Variants in KDM2A observed in about 807,000 individuals in gnomAD.
The protein encoded by KDM2A is lysine-specific demethylase 2A.
In KDM2A, 3 loss-of-function variants were observed where a neutral mutation model predicts 137.3. The ratio of observed to expected loss-of-function variants is 0.02; its 90% CI spans 0.01 to 0.06. The LOEUF is 0.06. Among genes scored for constraint, KDM2A ranks in the 10% least tolerant of loss-of-function variants. The pLI, the probability that KDM2A is intolerant of heterozygous loss-of-function variation, is 1.00. For missense variants in KDM2A, 738 were observed against 1,510.6 expected (o/e 0.49, Z 8.48); for synonymous variants, 512 against 541.5 (o/e 0.95, Z 0.76).
intron 11 of KDM2A, among the ~76,000 whole-genome samples, chr11:67,230,073 G>A (rs1236046040): frequency 2.0e-5 from 3 of 152,068 alleles, no homozygotes; most frequent in African/African-American, 7.2e-5. Flanking sequence ...CTATTTGGGA[G>A]GCTGAGGCAG....
At chr11:67,240,029 C>T (rs1590818591) in intron 12 of KDM2A, 5 of 1,300,412 alleles carry the variant, frequency 3.8e-6, no homozygotes, top group East Asian at 5.8e-5. Context: ...CGCTCGGCTC[C>T]CCCTCCTGCC....
intron 5 of KDM2A, among the ~76,000 whole-genome samples, chr11:67,205,471 C>G (rs772296448): frequency 6.6e-6 from 1 of 151,998 alleles, no homozygotes; most frequent in Non-Finnish European, 1.5e-5. Flanking sequence ...GTTCGTCTTA[C>G]AAGGAAGACA....
In KDM2A at chr11:67,119,636, G is replaced by A; in HGVS notation, c.-497G>A. On this transcript the variant is annotated 5_prime_UTR_variant, in exon 1 of 21. Coordinates refer to ENST00000529006, the MANE Select transcript of KDM2A (RefSeq NM_012308.3). ...GGCCCGCGTTCCGGGGGGCCGGGGC[G>A]GCGCGGGGAGCCTCGGGCCGGCCGG... 1 of 149,046 alleles carries A rather than the reference G, an allele frequency of 6.7e-6. No homozygotes were observed. Among genetic ancestry groups the A allele is most frequent in the Non-Finnish European group, 1.5e-5 (1 of 66,790 alleles). The allele number at this position is 149,046 out of a possible 1,614,324, so 9.2% of individuals were successfully genotyped here. A position where few individuals can be genotyped will look rare whatever the true frequency, so the allele number is the denominator to read the frequency against.
intron 2 of KDM2A, among the ~76,000 whole-genome samples, chr11:67,152,989 CTT>C (rs35601441): frequency 7.4e-6 from 1 of 135,638 alleles, no homozygotes; most frequent in Admixed American, 7.6e-5. Context: ...CATGGTATGT[CTT>C]TTTTTTTTTG....
rs201337168 is a variant in KDM2A, at chr11:67,250,169, G to A, written c.2139G>A (p.Thr713=). ...RPLRSCDEPL[T]PPPHSPTSML... is the part of the protein sequence containing the mutation. Reference sequence around the variant, plus strand: ...TGCGGAGCTGCGATGAGCCTCTCACGCCCCCGCCTCATTCACCCACTTCCA... The same window carrying A: ...TGCGGAGCTGCGATGAGCCTCTCACACCCCCGCCTCATTCACCCACTTCCA... The change falls in exon 17 of 21, where the codon ACG becomes ACA. Residue 713 remains threonine (T), a synonymous_variant. Coordinates refer to ENST00000529006, the MANE Select transcript of KDM2A (RefSeq NM_012308.3). The surrounding 1 kb of genome is among the most constrained non-coding windows in gnomAD (Gnocchi z 7.1). 5.6e-5 allele frequency: 90 copies of A among 1,613,600 alleles called. No individual in the cohort carries two copies. The African/African-American group carries it at 8.8e-4, about 16-fold the overall frequency.
intron 2 of KDM2A, among the ~76,000 whole-genome samples, chr11:67,139,358 C>G (rs1856043219): frequency 6.6e-6 from 1 of 152,110 alleles, no homozygotes; most frequent in Non-Finnish European, 1.5e-5. Flanking sequence ...GATTCTCCTG[C>G]CTGAGCCTCC....
intron 2 of KDM2A, among the ~76,000 whole-genome samples, chr11:67,146,744 A>G (rs1856257083): frequency 6.6e-6 from 1 of 152,044 alleles, no homozygotes; most frequent in Non-Finnish European, 1.5e-5. Context: ...TTCTGACCTC[A>G]GGTGATCTGC....
At position 67,168,664 on chromosome 11, in the gene KDM2A, C is replaced by T. The variant is rs1043142308; in HGVS notation, c.43-11415C>T. ...ACACACACACACACACACACACACACGGTCGGGGGGATAGACAGCAATGTC... is the reference window on the plus strand; with the variant it reads ...ACACACACACACACACACACACACATGGTCGGGGGGATAGACAGCAATGTC... On this transcript the variant is annotated intron_variant, in intron 2 of 20. Coordinates refer to ENST00000529006, the MANE Select transcript of KDM2A (RefSeq NM_012308.3). Among the ~76,000 whole-genome samples, 21 of 144,212 alleles carry T rather than the reference C, an allele frequency of 1.5e-4. No individual in the cohort carries two copies. In the East Asian group the frequency reaches 3.3e-3, roughly 22 times the overall value. 94.6% of individuals were successfully genotyped at this position (144,212 alleles called of 152,430 possible). A position where few individuals can be genotyped will look rare whatever the true frequency, so the allele number is the denominator to read the frequency against.
rs752941431 is a variant in KDM2A at position 67,243,086 on chromosome 11, G to A, written c.1557G>A (p.Arg519=). Residue 519 remains arginine, a synonymous_variant, in exon 13 of 21, where the codon AGG becomes AGA. Coordinates refer to ENST00000529006, the MANE Select transcript of KDM2A (RefSeq NM_012308.3). ...TTCCTATAGTACAGTGGCCAAAAAG[G>A]GATAAGGTAAGAAACTATTTTCCTT... ...TGVPIVQWPK[R]DKLKFPTRPK... is the part of the protein sequence containing the mutation. 6.2e-6 allele frequency: 10 copies of A among 1,610,970 alleles called. No homozygotes were observed. In the East Asian group the frequency reaches 2.2e-4, roughly 36 times the overall value.
intron 5 of KDM2A, among the ~76,000 whole-genome samples, chr11:67,188,635 A>G (rs1424298647): frequency 3.3e-5 from 5 of 152,076 alleles, no homozygotes; most frequent in African/African-American, 1.2e-4. Flanking sequence ...TACCAAAAAA[A>G]TAAAAATAAT....
intron 2 of KDM2A, among the ~76,000 whole-genome samples, chr11:67,144,577 T>C (rs140746824): frequency 1.2e-3 from 183 of 149,142 alleles, no homozygotes; most frequent in African/African-American, 4.2e-3. Context: ...ATATAAATTT[T>C]TTAGAGACAA....
At chr11:67,136,604 G>C (rs542674237) in intron 2 of KDM2A, among the ~76,000 whole-genome samples, 1 of 152,326 alleles carries the variant, frequency 6.6e-6, no homozygotes, top group South Asian at 2.1e-4. Context: ...TTGAGATTGA[G>C]TGATCAGTGA....
At chr11:67,200,640 T>C (rs1857597239) in intron 5 of KDM2A, among the ~76,000 whole-genome samples, 1 of 152,100 alleles carries the variant, frequency 6.6e-6, no homozygotes, top group Non-Finnish European at 1.5e-5. Context: ...AGCCTTTAGC[T>C]GGGACTACAA....
At chr11:67,248,612 C>T (rs771906931) in intron 16 of KDM2A, 7 of 445,970 alleles carry the variant, frequency 1.6e-5, no homozygotes, top group Admixed American at 3.9e-5. Flanking sequence ...TCCTAAGGTC[C>T]TTTTATACTC....
chr11:67,178,661 C>T (rs769751847), intron 2 of KDM2A, among the ~76,000 whole-genome samples: 10 of 151,196 alleles, frequency 6.6e-5, no homozygotes, highest in African/African-American at 9.7e-5. Context: ...TTATGACTGG[C>T]TTTTTTTTTA....
intron 17 of KDM2A, among the ~76,000 whole-genome samples, chr11:67,251,946 G>A (rs530204933): frequency 1.3e-5 from 2 of 152,186 alleles, no homozygotes; most frequent in African/African-American, 4.8e-5. Context: ...TCAGATTCCC[G>A]TTATGTGCTG....
chr11:67,200,217 G>GT lies in KDM2A; in HGVS notation c.308-7282dup, dbSNP rs71461637. 8.1e-3 allele frequency among the ~76,000 whole-genome samples: 1,187 copies of GT among 147,436 alleles called. 7 individuals carry two copies. Among genetic ancestry groups the GT allele is most frequent in the Non-Finnish European group, 0.011 (723 of 66,418 alleles). On this transcript the variant is annotated intron_variant, in intron 5 of 20. Coordinates refer to ENST00000529006, the MANE Select transcript of KDM2A (RefSeq NM_012308.3). ...CAAAGAGATTAATATTGTTTGTGTG[G>GT]TTTTTTTTTTTCTTTTTAGACGGAG... is the stretch of plus-strand genomic sequence containing the variant.
At chr11:67,193,680 G>A (rs544481978) in intron 5 of KDM2A, among the ~76,000 whole-genome samples, 2 of 152,048 alleles carry the variant, frequency 1.3e-5, no homozygotes, top group Admixed American at 1.3e-4. Flanking sequence ...GACCAACATG[G>A]CAAAACGCCG....
chr11:67,173,963 C>T (rs1180269144), intron 2 of KDM2A, among the ~76,000 whole-genome samples: 1 of 152,072 alleles, frequency 6.6e-6, no homozygotes, highest in Non-Finnish European at 1.5e-5. Context: ...GATCCTCCTA[C>T]CCCAGCCTCC....
Sources: allele counts gnomAD v4.1 joint callset (sites outside exome capture counted in the v4.1 genomes callset), GRCh38; gene constraint gnomAD v4.1.1; non-coding constraint Gnocchi (gnomAD v3.1); transcripts MANE v1.5; gene names NCBI Gene and HGNC (gene_info 2026-07-23, HGNC 2026-07-21).